The following RNF213 variants were observed in gnomAD, a reference collection of about 807,000 sequenced individuals.
The protein encoded by RNF213 is ring finger protein 213.
In RNF213, 341 loss-of-function variants were observed where a neutral mutation model predicts 514.4. That is an observed-to-expected ratio of 0.66 (90% CI 0.61 to 0.73). RNF213 has a LOEUF of 0.73. RNF213 is among the 30% of genes least tolerant of loss of function. The probability of loss-of-function intolerance (pLI) is 0.00; values close to 1 mark genes in which losing one functional copy is unlikely to be tolerated. For missense variants in RNF213, 5,767 were observed against 6,615.6 expected (o/e 0.87, Z 4.45); for synonymous variants, 2,655 against 2,658.2 (o/e 1.00, Z 0.04).
chr17:80,392,748 C>T (rs1193185108), intron 67 of RNF213, among the ~76,000 whole-genome samples: 2 of 152,052 alleles, frequency 1.3e-5, no homozygotes, highest in Non-Finnish European at 2.9e-5. Flanking sequence ...CACCGCCATG[C>T]CTGGCTAATT....
intron 17 of RNF213, among the ~76,000 whole-genome samples, chr17:80,321,959 C>T (rs1413861786): frequency 6.6e-6 from 1 of 151,994 alleles, no homozygotes; most frequent in African/African-American, 2.4e-5. Context: ...CTCTTGACCT[C>T]ATGATCCACA....
In RNF213 at chr17:80,326,437, T is replaced by C. The variant is rs114905823; in HGVS notation, c.3193+1239T>C. ...ATGCAGCATTAGTGTGGTGCTTTTG[T>C]TACAGCTGAGAAGCCAATATTGATA... On this transcript the variant is annotated intron_variant, in intron 18 of 67. Coordinates refer to ENST00000582970, the MANE Select transcript of RNF213 (RefSeq NM_001256071.3). 1.9e-3 allele frequency among the ~76,000 whole-genome samples: 282 copies of C among 152,348 alleles called. 1 individual carries two copies. Among genetic ancestry groups the C allele is most frequent in the African/African-American group, 6.3e-3 (263 of 41,574 alleles).
In RNF213 at chr17:80,347,800, C is replaced by G; in HGVS notation, c.9465C>G (p.Asp3155Glu). 1 of 1,614,202 alleles carries G rather than the reference C, an allele frequency of 6.2e-7. No homozygotes were observed. The highest frequency in any genetic ancestry group is 8.5e-7 in the Non-Finnish European group (1 of 1,180,048). Residue 3155 changes from aspartate to glutamate, a missense_variant, in exon 29 of 68, where the codon GAC becomes GAG. Physicochemically the swap from Asp to Glu is conservative, Grantham distance 45 (BLOSUM62 2). This residue lies in a region of RNF213 where 919 missense variants were observed against 1,121.0 expected (regional missense o/e 0.82). Coordinates refer to ENST00000582970, the MANE Select transcript of RNF213 (RefSeq NM_001256071.3). The surrounding 1 kb of genome is among the most constrained non-coding windows in gnomAD (Gnocchi z 7.2). Reference sequence around the variant, plus strand: ...GCCTGATTGTCATTGAAGAGAAAGACGTCGTGTACAAACACTTTCCCATCC... The same window carrying G: ...GCCTGATTGTCATTGAAGAGAAAGAGGTCGTGTACAAACACTTTCCCATCC... ...NFRLIVIEEK[D>E]VVYKHFPIPL...
intron 46 of RNF213, among the ~76,000 whole-genome samples, chr17:80,371,087 A>G (rs1401740635): frequency 6.6e-6 from 1 of 152,234 alleles, no homozygotes; most frequent in African/African-American, 2.4e-5. Flanking sequence ...AATATTTTCC[A>G]AATGACCAAT....
intron 17 of RNF213, among the ~76,000 whole-genome samples, chr17:80,323,313 G>A (rs2046195318): frequency 6.6e-6 from 1 of 152,164 alleles, no homozygotes; most frequent in African/African-American, 2.4e-5. Flanking sequence ...TTGAAATTGG[G>A]ATGTGTGAGT....
chr17:80,290,598 G>C lies in RNF213; in HGVS notation c.1141G>C (p.Val381Leu), dbSNP rs1404836444. 6.2e-7 allele frequency: 1 copy of C among 1,614,116 alleles called. No homozygotes were observed. The highest frequency in any genetic ancestry group is 1.3e-5 in the African/African-American group (1 of 75,040). ...GCTGAGCCCGGGTGGAGGAGTCACC[G>C]TGTTCTTCCACGCCATCATCTCTCT... The part of the protein sequence containing the change: ...STLSPGGGVT[V>L]FFHAIISLHF... The change falls in exon 7 of 68, where the codon GTG (valine) becomes CTG (leucine). Residue 381 changes from valine (V) to leucine (L), a missense_variant. By Grantham distance (32) the Val-to-Leu change is conservative. Transcript: ENST00000582970.
At chr17:80,393,197 T>G (rs2080553548) in intron 67 of RNF213, 148 bp from the exon 68 acceptor site, 1 of 752,666 alleles carries the variant, frequency 1.3e-6, no homozygotes, top group African/African-American at 1.7e-5. Flanking sequence ...CCCAGGCTGG[T>G]CTTGAACTCC....
Position 80,264,898 on chromosome 17 carries a change from C to T in RNF213, c.97+1120C>T, listed in dbSNP as rs1034571307. ...TTCCTGGATACACCAGGTGTGCTTCCACCGCAGGGCCTTTGCACCACCCTT... is the reference window on the plus strand; with the variant it reads ...TTCCTGGATACACCAGGTGTGCTTCTACCGCAGGGCCTTTGCACCACCCTT... On this transcript the variant is annotated intron_variant, in intron 2 of 67. Coordinates refer to ENST00000582970, the MANE Select transcript of RNF213 (RefSeq NM_001256071.3). This position sits in a 1 kb window ranked among gnomAD's most constrained non-coding sequence, Gnocchi z 5.0. Among the ~76,000 whole-genome samples the T allele has an allele frequency of 6.6e-6, 1 of 152,154 alleles. No homozygotes were observed. Among genetic ancestry groups the T allele is most frequent in the African/African-American group, 2.4e-5 (1 of 41,420 alleles).
chr17:80,352,572 T>A, intron 32 of RNF213: 1 of 544,534 alleles, frequency 1.8e-6, no homozygotes, highest in South Asian at 2.9e-5. Flanking sequence ...CTTGAATAAT[T>A]TCGTGGAGAA....
At chr17:80,355,579 AGTGGGAATGGGGGCTTAC>A (rs2078748568) in intron 36 of RNF213, among the ~76,000 whole-genome samples, 1 of 67,232 alleles carries the variant, frequency 1.5e-5, no homozygotes, top group Non-Finnish European at 3.0e-5. Context: ...AAGCGGGGTG[AGTGGGAATGGGGGCTTAC>A]AGGGGAAGAA....
At chr17:80,289,190 G>A (rs528256219) in intron 5 of RNF213, among the ~76,000 whole-genome samples, 33 of 152,330 alleles carry the variant, frequency 2.2e-4, no homozygotes, top group African/African-American at 7.9e-4. Context: ...GGAGAGAGGC[G>A]CCTCTGGAGG....
chr17:80,319,513 C>T (rs779119684), intron 17 of RNF213: 1 of 1,613,470 alleles, frequency 6.2e-7, no homozygotes, highest in South Asian at 1.1e-5. Flanking sequence ...GCTGCACAGT[C>T]CCTGCTGCTC....
intron 14 of RNF213, among the ~76,000 whole-genome samples, chr17:80,309,541 G>A (rs779786423): frequency 2.6e-5 from 4 of 152,100 alleles, no homozygotes; most frequent in Non-Finnish European, 5.9e-5. Flanking sequence ...AGAGAACTAC[G>A]GGGACCATTT....
At position 80,396,915 on chromosome 17, in the gene RNF213, G is replaced by C. The variant is rs1338481968; in HGVS notation, c.*3417G>C. ...CTGGGTCCAGCAAGTGCTCCACCAG[G>C]CTGCCCCTGCTCAGGTGCTCCACAG... On this transcript the variant is annotated 3_prime_UTR_variant, in exon 68 of 68. Transcript: ENST00000582970. 1 of 152,222 alleles carries C rather than the reference G, an allele frequency of 6.6e-6. No homozygotes were observed. The highest frequency in any genetic ancestry group is 1.5e-5 in the Non-Finnish European group (1 of 68,122). 9.4% of individuals were successfully genotyped at this position (152,222 alleles called of 1,614,324 possible).
At chr17:80,281,324 A>C (rs1598910054) in intron 3 of RNF213, among the ~76,000 whole-genome samples, 1 of 43,114 alleles carries the variant, frequency 2.3e-5, no homozygotes, top group African/African-American at 9.1e-5. Flanking sequence ...CACTCACACC[A>C]CTCACACACG....
intron 3 of RNF213, chr17:80,278,723 G>A (rs1318763371): frequency 1.2e-5 from 19 of 1,535,386 alleles, no homozygotes; most frequent in Non-Finnish European, 1.7e-5. Flanking sequence ...TGCGTGGGGT[G>A]CACAGCCCTG....
At position 80,295,675 on chromosome 17, in the gene RNF213, T is replaced by C. The variant is rs1262206402; in HGVS notation, c.1874T>C (p.Ile625Thr). The change falls in exon 10 of 68, where the codon ATT becomes ACT. Residue 625 changes from isoleucine (I) to threonine (T), a missense_variant. This residue lies in a region of RNF213 where 592 missense variants were observed against 673.9 expected (regional missense o/e 0.88). Transcript: ENST00000582970. ...AGGAGTAAACTGAAAACAGGCCTGA[T>C]TGTCCTTTTTGTAGTGGAAAAAATT... ...PVRSKLKTGL[I>T]VLFVVEKIEL... The C allele has an allele frequency of 2.5e-6, 4 of 1,614,062 alleles. No individual in the cohort carries two copies. Among genetic ancestry groups the C allele is most frequent in the African/African-American group, 2.7e-5 (2 of 74,928 alleles).
intron 2 of RNF213, among the ~76,000 whole-genome samples, chr17:80,266,867 G>T (rs1207535888): frequency 2.0e-5 from 3 of 152,184 alleles, no homozygotes; most frequent in Non-Finnish European, 4.4e-5. Flanking sequence ...AAGGCATGTT[G>T]AAAGCTGAGA....
intron 35 of RNF213, 26 bp downstream of exon 35, chr17:80,354,192 C>T (rs1568119645): frequency 6.2e-7 from 1 of 1,611,290 alleles, no homozygotes; most frequent in Non-Finnish European, 8.5e-7. Context: ...CCCCTCTTGC[C>T]CCTGCCCCCA....
Sources: allele counts gnomAD v4.1 joint callset (sites outside exome capture counted in the v4.1 genomes callset), GRCh38; gene constraint gnomAD v4.1.1; regional missense constraint gnomAD v4.1.1; non-coding constraint Gnocchi (gnomAD v3.1); transcripts MANE v1.5; gene names NCBI Gene and HGNC (gene_info 2026-07-23, HGNC 2026-07-21).